Variants in NKD2 observed in about 807,000 individuals in gnomAD.
NKD2 encodes the protein protein naked cuticle homolog 2.
Under a neutral mutation model 34.8 loss-of-function variants are expected in NKD2, and 43 were observed. That is an observed-to-expected ratio of 1.24 (90% CI 0.97 to 1.60). The LOEUF is 1.60. NKD2 is among the 40% of genes most tolerant of loss of function. NKD2 has a pLI of 0.00. For missense variants in NKD2, 675 were observed against 627.1 expected (o/e 1.08, Z -0.82); for synonymous variants, 278 against 265.1 (o/e 1.05, Z -0.47).
chr5:1,033,205 A>T (rs1756712022), intron 4 of NKD2, among the ~76,000 whole-genome samples, 167 bp from the exon 5 acceptor site: 1 of 152,028 alleles, frequency 6.6e-6, no homozygotes, highest in African/African-American at 2.4e-5. Flanking sequence ...GCTGGCCGGG[A>T]TAGGGCCTCC....
At position 1,017,138 on chromosome 5, in the gene NKD2, C is replaced by G. The variant is rs147815165; in HGVS notation, c.141+7578C>G. On this transcript the variant is annotated intron_variant, in intron 3 of 9. Coordinates refer to ENST00000296849, the MANE Select transcript of NKD2 (RefSeq NM_033120.4). ...TACTTCTCACCAGGACGTGCCTGGA[C>G]ATGGTGCAAAGCTGCTGCCCCTGGT... Among the ~76,000 whole-genome samples the G allele has an allele frequency of 4.3e-4, 65 of 152,356 alleles. No homozygotes were observed. The East Asian group carries it at 0.012, about 27-fold the overall frequency.
intron 3 of NKD2, among the ~76,000 whole-genome samples, chr5:1,012,852 G>A (rs113403406): frequency 0.07 from 10,643 of 152,282 alleles, 1,093 homozygotes; most frequent in African/African-American, 0.23. Context: ...AGAGCTGGAT[G>A]TGGCAGTGGG....
intron 3 of NKD2, among the ~76,000 whole-genome samples, chr5:1,015,958 G>T (rs528135979): frequency 1.3e-5 from 2 of 152,206 alleles, no homozygotes; most frequent in Non-Finnish European, 2.9e-5. Context: ...CTTCTGAGCC[G>T]TCGTCTGTCA....
At chr5:1,012,400 G>A (rs1755789872) in intron 3 of NKD2, among the ~76,000 whole-genome samples, 1 of 152,254 alleles carries the variant, frequency 6.6e-6, no homozygotes, top group African/African-American at 2.4e-5. Flanking sequence ...CAGCAGGCAC[G>A]GCTCTGAGTG....
intron 3 of NKD2, among the ~76,000 whole-genome samples, chr5:1,016,191 A>G (rs55937532): frequency 0.12 from 17,747 of 152,282 alleles, 1,171 homozygotes; most frequent in African/African-American, 0.17. Flanking sequence ...CCGCCTCTGG[A>G]CTGCGAAGCC....
intron 3 of NKD2, among the ~76,000 whole-genome samples, chr5:1,027,770 G>A (rs756495418): frequency 5.9e-5 from 9 of 152,234 alleles, no homozygotes; most frequent in African/African-American, 9.6e-5. Context: ...AGGGGACAGC[G>A]CCTCCTTGCA....
At position 1,035,420 on chromosome 5, in the gene NKD2, T is replaced by C. The variant is rs1013567466; in HGVS notation, c.606T>C (p.Gly202=). 4 of 1,558,640 alleles carry C rather than the reference T, an allele frequency of 2.6e-6. No individual in the cohort carries two copies. Among genetic ancestry groups the C allele is most frequent in the Admixed American group, 1.9e-5 (1 of 52,202 alleles). The change falls in exon 8 of 10, where the codon GGT becomes GGC. Residue 202 remains glycine, a synonymous_variant. Transcript: ENST00000296849. ...DREPTRCRME[G]ELAEEPRVAD... ...AGCCCACCCGTTGCAGGATGGAGGG[T>C]GAACTGGCAGAGGAGCCAAGGGTGG...
At chr5:1,027,636 A>G (rs2150741035) in intron 3 of NKD2, among the ~76,000 whole-genome samples, 1 of 152,272 alleles carries the variant, frequency 6.6e-6, no homozygotes, top group East Asian at 1.9e-4. Flanking sequence ...TGGTATTTCT[A>G]GAACCCTAGA....
Position 1,038,638 on chromosome 5 carries a change from T to A in NKD2, c.*265T>A. 1.4e-6 allele frequency: 1 copy of A among 702,050 alleles called. No individual in the cohort carries two copies. Among genetic ancestry groups the A allele is most frequent in the Non-Finnish European group, 2.5e-6 (1 of 405,318 alleles). The allele number at this position is 702,050 out of a possible 1,614,324, so 43.5% of individuals were successfully genotyped here. Reference sequence around the variant, plus strand: ...CTGAAGCCACTATGTTTCCTGGCTCTAAGGCTCGTCTGTGTAACCCATAAA... The same window carrying A: ...CTGAAGCCACTATGTTTCCTGGCTCAAAGGCTCGTCTGTGTAACCCATAAA... On this transcript the variant is annotated 3_prime_UTR_variant, in exon 10 of 10. Transcript: ENST00000296849. This position sits in a 1 kb window ranked among gnomAD's most constrained non-coding sequence, Gnocchi z 4.5.
intron 8 of NKD2, chr5:1,036,056 G>C (rs1337533686): frequency 7.9e-7 from 1 of 1,273,492 alleles, no homozygotes; most frequent in Admixed American, 3.5e-5. Flanking sequence ...ACAGGGTTCT[G>C]GGGGTCGGCT....
chr5:1,009,224 C>T lies in NKD2; in HGVS notation c.61+10C>T, dbSNP rs1423679154. 4.0e-6 allele frequency: 2 copies of T among 505,334 alleles called. No homozygotes were observed. The highest frequency in any genetic ancestry group is 3.6e-5 in the East Asian group (1 of 27,994). 31.3% of individuals were successfully genotyped at this position (505,334 alleles called of 1,614,324 possible). A position where few individuals can be genotyped will look rare whatever the true frequency, so the allele number is the denominator to read the frequency against. On this transcript the variant is annotated intron_variant, in intron 2 of 9. Coordinates refer to ENST00000296849, the MANE Select transcript of NKD2 (RefSeq NM_033120.4). This position sits in a 1 kb window ranked among gnomAD's most constrained non-coding sequence, Gnocchi z 6.9. ...AGAGAGAGCCCGGAAGGTGAGCGGG[C>T]GAGCCGACGGGCGGGGCGGGGGGCG...
chr5:1,009,241 C>CG lies in NKD2; in HGVS notation c.61+33dup, dbSNP rs1755650528. The CG allele has an allele frequency of 1.2e-5, 6 of 488,954 alleles. No homozygotes were observed. The highest frequency in any genetic ancestry group is 9.7e-5 in the South Asian group (3 of 31,060). The allele number at this position is 488,954 out of a possible 1,614,324, so 30.3% of individuals were successfully genotyped here. ...TGAGCGGGCGAGCCGACGGGCGGGG[C>CG]GGGGGGCGGCGACCCGGCCCGGGAC... On this transcript the variant is annotated intron_variant, in intron 2 of 9. Coordinates refer to ENST00000296849, the MANE Select transcript of NKD2 (RefSeq NM_033120.4). The surrounding 1 kb of genome is among the most constrained non-coding windows in gnomAD (Gnocchi z 6.9).
At position 1,038,148 on chromosome 5, in the gene NKD2, G is replaced by A. The variant is rs908137517; in HGVS notation, c.1131G>A (p.Pro377=). Residue 377 remains proline, a synonymous_variant, in exon 10 of 10, where the codon CCG becomes CCA. Coordinates refer to ENST00000296849, the MANE Select transcript of NKD2 (RefSeq NM_033120.4). The surrounding 1 kb of genome is among the most constrained non-coding windows in gnomAD (Gnocchi z 4.5). ...GCCACCACCTCCCGCAGCCCCCACCGCCACCCTACGGCCACAAGCGGTACC... is the reference window on the plus strand; with the variant it reads ...GCCACCACCTCCCGCAGCCCCCACCACCACCCTACGGCCACAAGCGGTACC... ...QDGHHLPQPP[P]PPYGHKRYRQ... 1.0e-5 allele frequency: 16 copies of A among 1,578,812 alleles called. No individual in the cohort carries two copies. The highest frequency in any genetic ancestry group is 2.3e-5 in the East Asian group (1 of 43,336).
Position 1,036,294 on chromosome 5 carries a change from G to A in NKD2, c.697G>A (p.Gly233Arg), listed in dbSNP as rs765852745. The part of the protein sequence containing the change: ...STDPQPCSER[G>R]PYCVDENTER... ...TGACCCCCAGCCCTGCTCGGAGCGG[G>A]GGCCCTACTGCGTGGACGAGAACAC... Residue 233 changes from glycine (G) to arginine (R), a missense_variant, in exon 9 of 10, where the codon GGG (glycine) becomes AGG (arginine). Gly to Arg is a moderately radical substitution (Grantham distance 125). Transcript: ENST00000296849. The A allele has an allele frequency of 3.0e-5, 49 of 1,612,446 alleles. No homozygotes were observed. The highest frequency in any genetic ancestry group is 3.8e-5 in the Non-Finnish European group (45 of 1,179,618).
At chr5:1,037,407 T>G (rs926710056) in intron 9 of NKD2, 13 of 946,934 alleles carry the variant, frequency 1.4e-5, no homozygotes, top group Non-Finnish European at 1.9e-5. Flanking sequence ...GTTGTGAAGG[T>G]GGCAGTCCTG....
rs528269572 is a variant in NKD2 at position 1,037,663 on chromosome 5, G to A, written c.788-142G>A. On this transcript the variant is annotated intron_variant, in intron 9 of 9. Transcript: ENST00000296849. ...CCCCTTCCCTTCAGGGCTGGTGGCC[G>A]TCTGACTGCAGACTTGGCTAACAGA... The A allele has an allele frequency of 5.0e-4, 762 of 1,536,322 alleles. 2 individuals are homozygous for A. The highest frequency in any genetic ancestry group is 6.2e-4 in the Non-Finnish European group (707 of 1,146,950).
At position 1,032,228 on chromosome 5, in the gene NKD2, G is replaced by T. The variant is rs764310488; in HGVS notation, c.202+16G>T. 1.3e-6 allele frequency: 2 copies of T among 1,598,418 alleles called. No individual in the cohort carries two copies. Among genetic ancestry groups the T allele is most frequent in the Non-Finnish European group, 1.7e-6 (2 of 1,169,212 alleles). On this transcript the variant is annotated intron_variant, in intron 4 of 9. Transcript: ENST00000296849. Reference sequence around the variant, plus strand: ...CCCCTACAGGGTGAGTGCAGCTCCCGCAGCCCTCCCTCCCCAAACTCACAG... The same window carrying T: ...CCCCTACAGGGTGAGTGCAGCTCCCTCAGCCCTCCCTCCCCAAACTCACAG...
rs529057258 is a variant in NKD2 at position 1,034,668 on chromosome 5, G to T, written c.427-88G>T. On this transcript the variant is annotated intron_variant, in intron 6 of 9. Transcript: ENST00000296849. Reference sequence around the variant, plus strand: ...TGGATGCAAGGATGGCATAGGAAGGGGCGGGGGCTGGATGTGTTTTCTGGC... The same window carrying T: ...TGGATGCAAGGATGGCATAGGAAGGTGCGGGGGCTGGATGTGTTTTCTGGC... The T allele has an allele frequency of 3.5e-5, 47 of 1,352,542 alleles. No individual in the cohort carries two copies. In the East Asian group the frequency reaches 7.2e-4, roughly 21 times the overall value. 83.8% of individuals were successfully genotyped at this position (1,352,542 alleles called of 1,614,324 possible). A position where few individuals can be genotyped will look rare whatever the true frequency, so the allele number is the denominator to read the frequency against.
At chr5:1,028,122 TGGGCTGGGACCAGGACGGGGGCTGG>T (rs146763732) in intron 3 of NKD2, among the ~76,000 whole-genome samples, 5,764 of 152,282 alleles carry the variant, frequency 0.038, 117 homozygotes, top group African/African-American at 0.045. Context: ...TCTTACCGTC[TGGGCTGGGACCAGGACGGGGGCTGG>T]GTGCTGGGAG....
Sources: gnomAD v4.1 joint callset for allele counts (sites outside exome capture counted in the v4.1 genomes callset) on GRCh38, gnomAD v4.1.1 for gene constraint, Gnocchi (gnomAD v3.1) non-coding constraint, MANE v1.5 for transcripts, NCBI Gene and HGNC (gene_info 2026-07-23, HGNC 2026-07-21) for gene names.